Variants in CDK11B observed in about 807,000 individuals in gnomAD.
CDK11B encodes the protein cyclin dependent kinase 11B.
Under a neutral mutation model 84.0 loss-of-function variants are expected in CDK11B, and 37 were observed. The observed-to-expected ratio is 0.44, with a 90% CI of 0.34 to 0.58. The LOEUF (loss-of-function observed/expected upper bound fraction) is 0.58, where lower values mean the gene tolerates loss of function less well. Ranked by LOEUF, CDK11B falls within the 20% of genes least tolerant of loss-of-function variation. The pLI is 0.02. For synonymous variants in CDK11B, 269 were observed against 309.8 expected (o/e 0.87, Z 1.38); for missense variants, 427 against 834.0 (o/e 0.51, Z 6.01).
chr1:1,653,673 A>G (rs1467579250), intron 3 of CDK11B, among the ~76,000 whole-genome samples: 3 of 151,968 alleles, frequency 2.0e-5, no homozygotes, highest in Non-Finnish European at 2.9e-5. Context: ...TTATTCCCCA[A>G]TAAATCTGTT....
intron 3 of CDK11B, among the ~76,000 whole-genome samples, chr1:1,653,091 C>A (rs1642217110): frequency 6.6e-6 from 1 of 152,118 alleles, no homozygotes; most frequent in Non-Finnish European, 1.5e-5. Context: ...ACGATCTCGG[C>A]TCATTGCAAC....
intron 9 of CDK11B, among the ~76,000 whole-genome samples, chr1:1,641,369 C>T (rs114704737): frequency 0.045 from 6,473 of 142,560 alleles, 6 homozygotes; most frequent in African/African-American, 0.16. Context: ...ATTATCCGGG[C>T]GTGCTGGCGC....
chr1:1,636,214 G>A, intron 18 of CDK11B, 88 bp from the exon 19 acceptor site: 1 of 1,017,696 alleles, frequency 9.8e-7, no homozygotes, highest in Non-Finnish European at 1.4e-6. Flanking sequence ...GGGGCTCAGG[G>A]CATGGGACGC....
intron 5 of CDK11B, among the ~76,000 whole-genome samples, chr1:1,647,481 TGG>T: frequency 6.6e-6 from 1 of 152,254 alleles, no homozygotes; most frequent in African/African-American, 2.4e-5. Context: ...GTCACCACCA[TGG>T]CTGCACAGCT....
At chr1:1,644,803 C>T (rs1640790162) in intron 6 of CDK11B, among the ~76,000 whole-genome samples, 4 of 152,038 alleles carry the variant, frequency 2.6e-5, no homozygotes, top group Admixed American at 2.0e-4. Flanking sequence ...ACTATTCTGG[C>T]TAACACGGTG....
intron 5 of CDK11B, among the ~76,000 whole-genome samples, chr1:1,647,256 T>TA (rs1422338728): frequency 2.6e-5 from 4 of 152,270 alleles, no homozygotes; most frequent in Non-Finnish European, 2.9e-5. Flanking sequence ...AGACAGTTTT[T>TA]ACTGATGATG....
chr1:1,650,722 G>A (rs1641901537), intron 4 of CDK11B, among the ~76,000 whole-genome samples: 1 of 146,068 alleles, frequency 6.8e-6, no homozygotes, highest in South Asian at 2.2e-4. Flanking sequence ...TGGCCAGGCT[G>A]GTCTTGAACT....
chr1:1,636,707 ATTTCTGACT>A lies in CDK11B; in HGVS notation c.1883_1891del (p.Lys628_Glu630del). 2 of 1,613,898 alleles carry A rather than the reference ATTTCTGACT, an allele frequency of 1.2e-6. No homozygotes were observed. The highest frequency in any genetic ancestry group is 8.5e-7 in the Non-Finnish European group (1 of 1,179,842). ...CTTGAACACCTTGTTGATCTGATCG[ATTTCTGACT>A]TCCCGGGGAACAGAGGCTTCTGAGT... On this transcript the variant is annotated inframe_deletion, in exon 17 of 20. Coordinates refer to ENST00000341832, the MANE Select transcript of CDK11B (RefSeq NM_033486.3).
chr1:1,636,581 G>T, intron 17 of CDK11B, 100 bp from the exon 18 acceptor site: 2 of 1,577,736 alleles, frequency 1.3e-6, no homozygotes, highest in South Asian at 1.1e-5. Flanking sequence ...GCTCTCAGTG[G>T]CCCTGGTCCC....
chr1:1,650,017 T>C (rs1641717744), intron 4 of CDK11B, among the ~76,000 whole-genome samples: 3 of 149,252 alleles, frequency 2.0e-5, no homozygotes, highest in South Asian at 4.3e-4. Flanking sequence ...CTCACGCCTG[T>C]AATTCCAGCA....
chr1:1,656,706 C>T (rs1642800638), intron 2 of CDK11B, among the ~76,000 whole-genome samples: 1 of 151,992 alleles, frequency 6.6e-6, no homozygotes, highest in South Asian at 2.1e-4. Context: ...AGGAGAATGG[C>T]GTGAACCCGG....
intron 5 of CDK11B, chr1:1,646,258 C>G (rs1641097416): frequency 2.6e-6 from 1 of 377,566 alleles, no homozygotes; most frequent in Admixed American, 3.4e-5. Flanking sequence ...GTTGGATTTA[C>G]TTTCCTTGCT....
At chr1:1,651,573 TGG>T in intron 4 of CDK11B, among the ~76,000 whole-genome samples, 3 of 151,502 alleles carry the variant, frequency 2.0e-5, no homozygotes, top group African/African-American at 2.4e-5. Context: ...TGCTTTCAGC[TGG>T]AGTTTGCTCT....
intron 5 of CDK11B, among the ~76,000 whole-genome samples, chr1:1,648,763 T>G (rs1641503521): frequency 6.6e-6 from 1 of 152,098 alleles, no homozygotes; most frequent in Non-Finnish European, 1.5e-5. Context: ...GTTTCAAGGT[T>G]TTTAGGATCT....
At position 1,636,936 on chromosome 1, in the gene CDK11B, G is replaced by A. The variant is rs1254147565; in HGVS notation, c.1761C>T (p.Thr587=). The change falls in exon 16 of 20, where the codon ACC becomes ACT. Residue 587 remains threonine, a synonymous_variant. Coordinates refer to ENST00000341832, the MANE Select transcript of CDK11B (RefSeq NM_033486.3). ...GCAGCTCTGGGGCGCGGTACCACAG[G>A]GTCACCACGACCGGGGTGTAGGCCT... The part of the protein sequence containing the change: ...PLKAYTPVVV[T]LWYRAPELLL... 5 of 1,607,574 alleles carry A rather than the reference G, an allele frequency of 3.1e-6. No individual in the cohort carries two copies. The highest frequency in any genetic ancestry group is 3.4e-6 in the Non-Finnish European group (4 of 1,176,002).
At chr1:1,640,774 C>T (rs1309473881) in intron 10 of CDK11B, among the ~76,000 whole-genome samples, 1 of 152,246 alleles carries the variant, frequency 6.6e-6, no homozygotes, top group Non-Finnish European at 1.5e-5. Flanking sequence ...CAGGGACAGG[C>T]CCGGAGCCAC....
chr1:1,658,431 G>A (rs1330708660), intron 1 of CDK11B, among the ~76,000 whole-genome samples: 1 of 149,342 alleles, frequency 6.7e-6, no homozygotes, highest in Non-Finnish European at 1.5e-5. Context: ...TTAGTCTTCC[G>A]TACAACCAGA....
At chr1:1,648,282 G>A (rs1217420653) in intron 5 of CDK11B, among the ~76,000 whole-genome samples, 1 of 151,420 alleles carries the variant, frequency 6.6e-6, no homozygotes, top group Non-Finnish European at 1.5e-5. Context: ...TCTATCCCAA[G>A]CTGTACTCTC....
At chr1:1,637,542 G>T in intron 13 of CDK11B, 29 bp from the exon 14 acceptor site, 1 of 1,610,416 alleles carries the variant, frequency 6.2e-7, no homozygotes, top group Non-Finnish European at 8.5e-7. Flanking sequence ...TGGGTGCTGG[G>T]CACCTCCAGG....
Sources: gnomAD v4.1 joint callset for allele counts (sites outside exome capture counted in the v4.1 genomes callset) on GRCh38, gnomAD v4.1.1 for gene constraint, MANE v1.5 for transcripts, NCBI Gene and HGNC (gene_info 2026-07-23, HGNC 2026-07-21) for gene names.